The following GLRA2 variants were observed in gnomAD, a reference collection of about 807,000 sequenced individuals.
GLRA2 encodes glycine receptor alpha 2, also known as glycine receptor subunit alpha-2.
A neutral mutation model predicts 31.6 loss-of-function variants in GLRA2; 11 were observed. That is an observed-to-expected ratio of 0.35 (90% CI 0.22 to 0.58). The LOEUF is 0.58. Among genes scored for constraint, GLRA2 ranks in the 20% least tolerant of loss-of-function variants. The probability of loss-of-function intolerance (pLI) is 0.84; values close to 1 mark genes in which losing one functional copy is unlikely to be tolerated. For synonymous variants in GLRA2, 132 were observed against 134.0 expected, an observed-to-expected ratio of 0.99 and a Z score of 0.10; for missense variants, 212 against 351.8, an observed-to-expected ratio of 0.60 and a Z score of 3.18.
the GLRA2 span, among the ~76,000 whole-genome samples, chrX:14,458,699 G>T: frequency 5.4e-5 from 6 of 111,678 alleles, no homozygotes; most frequent in Non-Finnish European, 1.1e-4. Flanking sequence ...CATATCCTTC[G>T]CCCACTTGTT....
intron 4 of GLRA2, among the ~76,000 whole-genome samples, chrX:14,590,259 T>C (rs952246483): frequency 1.8e-5 from 2 of 111,307 alleles, no homozygotes; most frequent in Non-Finnish European, 3.8e-5. Context: ...AGAGAACTCT[T>C]GGGGATTGAC....
chrX:14,571,378 T>C (rs944771791), intron 2 of GLRA2, among the ~76,000 whole-genome samples: 1 of 111,697 alleles, frequency 9.0e-6, no homozygotes, highest in African/African-American at 3.3e-5. Context: ...CTAGGATAAC[T>C]CCTAAAAGTG....
intron 2 of GLRA2, among the ~76,000 whole-genome samples, chrX:14,563,081 C>T (rs973208103): frequency 2.7e-5 from 3 of 112,445 alleles, no homozygotes; most frequent in South Asian, 3.7e-4. Flanking sequence ...CATTCAAAAT[C>T]GACCATGCAT....
At chrX:14,513,640 A>G in the GLRA2 span, among the ~76,000 whole-genome samples, 3 of 112,217 alleles carry the variant, frequency 2.7e-5, no homozygotes. Context: ...AAGATATACA[A>G]ATGGCCAACA....
intron 4 of GLRA2, among the ~76,000 whole-genome samples, chrX:14,587,442 C>T (rs1203050151): frequency 3.6e-5 from 4 of 112,274 alleles, no homozygotes; most frequent in African/African-American, 1.3e-4. Context: ...TGCAGCCTTG[C>T]AGTATCTGTT....
Position 14,727,869 on chromosome X carries a change from A to G in GLRA2, c.1081-2338A>G, listed in dbSNP as rs143421361. On this transcript the variant is annotated intron_variant, in intron 8 of 8. Transcript: ENST00000218075. ...CCTTCCACCAGATTCTGAAAGTTCC[A>G]TGCAGATAGAGCCCTTGTCCAACTT... Among the ~76,000 whole-genome samples the G allele has an allele frequency of 9.1e-3, 1,017 of 111,707 alleles. 14 individuals are homozygous for G. Among genetic ancestry groups the G allele is most frequent in the African/African-American group, 0.03 (930 of 30,764 alleles).
intron 4 of GLRA2, among the ~76,000 whole-genome samples, chrX:14,588,597 GT>G (rs1176882177): frequency 1.8e-5 from 2 of 110,305 alleles, no homozygotes; most frequent in Non-Finnish European, 3.8e-5. Flanking sequence ...TTTTAGAATA[GT>G]TTTTTTTTCT....
intron 7 of GLRA2, among the ~76,000 whole-genome samples, chrX:14,654,822 G>A (rs2090924144): frequency 9.0e-6 from 1 of 111,710 alleles, no homozygotes; most frequent in Admixed American, 9.5e-5. Flanking sequence ...CCACATGGCT[G>A]GGGAGGCCTC....
the GLRA2 span, among the ~76,000 whole-genome samples, chrX:14,523,572 G>A: frequency 9.0e-6 from 1 of 111,690 alleles, no homozygotes; most frequent in Admixed American, 9.5e-5. Context: ...TTTCTAGCTT[G>A]ATTTCAAGTG....
chrX:14,678,450 G>A (rs1038179691), intron 7 of GLRA2, among the ~76,000 whole-genome samples: 3 of 111,562 alleles, frequency 2.7e-5, no homozygotes, highest in African/African-American at 9.8e-5. Context: ...GGATTAAAGT[G>A]ACATCTTTGG....
At position 14,721,731 on chromosome X, in the gene GLRA2, C is replaced by T. The variant is rs763342989; in HGVS notation, c.1081-8476C>T. ...AGGCTGAAAAGACTTATTCTGGATCCTTTACATTTCCTCCAACTTCTACTT... is the reference window on the plus strand; with the variant it reads ...AGGCTGAAAAGACTTATTCTGGATCTTTTACATTTCCTCCAACTTCTACTT... On this transcript the variant is annotated intron_variant, in intron 8 of 8. Transcript: ENST00000218075. Among the ~76,000 whole-genome samples, 23 of 111,475 alleles carry T rather than the reference C, an allele frequency of 2.1e-4. No individual in the cohort carries two copies. The South Asian group carries it at 4.2e-3, about 20-fold the overall frequency.
intron 4 of GLRA2, among the ~76,000 whole-genome samples, chrX:14,587,676 T>A (rs1185883823): frequency 8.9e-6 from 1 of 111,882 alleles, no homozygotes; most frequent in Non-Finnish European, 1.9e-5. Context: ...TCCCTATAGA[T>A]TCTGGATATT....
intron 4 of GLRA2, among the ~76,000 whole-genome samples, chrX:14,583,434 A>G (rs1379083065): frequency 8.9e-6 from 1 of 112,866 alleles, no homozygotes; most frequent in Non-Finnish European, 1.9e-5. Flanking sequence ...CATCAGTGGT[A>G]GACTAGATAA....
At chrX:14,560,281 G>A (rs2089710129) in intron 2 of GLRA2, among the ~76,000 whole-genome samples, 2 of 112,347 alleles carry the variant, frequency 1.8e-5, no homozygotes, top group African/African-American at 6.5e-5. Context: ...ATGTGAAATT[G>A]CAAAGTGAAA....
At chrX:14,457,413 T>A in the GLRA2 span, among the ~76,000 whole-genome samples, 18 of 107,965 alleles carry the variant, frequency 1.7e-4, no homozygotes, top group South Asian at 7.9e-3. Context: ...TGTGATCTCA[T>A]TGTTCAACTC....
chrX:14,470,475 A>T, the GLRA2 span, among the ~76,000 whole-genome samples: 1 of 111,932 alleles, frequency 8.9e-6, no homozygotes. Flanking sequence ...TGGCTTTCAG[A>T]TATTGAAAAC....
the GLRA2 span, among the ~76,000 whole-genome samples, chrX:14,506,051 A>G: frequency 2.7e-5 from 3 of 111,294 alleles, no homozygotes; most frequent in Non-Finnish European, 5.7e-5. Context: ...TCTAGCACAC[A>G]CACTATCAGA....
intron 7 of GLRA2, among the ~76,000 whole-genome samples, chrX:14,661,452 A>G (rs1252812033): frequency 8.9e-6 from 1 of 112,206 alleles, no homozygotes; most frequent in Non-Finnish European, 1.9e-5. Context: ...CAGAGTAACT[A>G]AAGTCTAAAG....
intron 2 of GLRA2, among the ~76,000 whole-genome samples, chrX:14,563,455 T>C (rs972729590): frequency 3.6e-5 from 4 of 112,475 alleles, no homozygotes; most frequent in African/African-American, 1.3e-4. Flanking sequence ...TGGCCTACTA[T>C]ACCCTTCAAC....
Sources: gnomAD v4.1 joint callset for allele counts (sites outside exome capture counted in the v4.1 genomes callset) on GRCh38, gnomAD v4.1.1 for gene constraint, MANE v1.5 for transcripts, NCBI Gene and HGNC (gene_info 2026-07-23, HGNC 2026-07-21) for gene names.